Variants in ERBB4 observed in about 807,000 individuals in gnomAD.
The protein encoded by ERBB4 is erb-b2 receptor tyrosine kinase 4.
In ERBB4, 42 loss-of-function variants were observed where a neutral mutation model predicts 158.0. The observed-to-expected ratio is 0.27, with a 90% CI of 0.21 to 0.34. The LOEUF (loss-of-function observed/expected upper bound fraction) is 0.34, where lower values mean the gene tolerates loss of function less well. Among genes scored for constraint, ERBB4 ranks in the 10% least tolerant of loss-of-function variants. ERBB4 has a pLI of 1.00. For synonymous variants in ERBB4, 583 were observed against 558.7 expected, an observed-to-expected ratio of 1.04 and a Z score of -0.61; for missense variants, 1,333 against 1,624.1, an observed-to-expected ratio of 0.82 and a Z score of 3.08.
At chr2:212,339,870 A>G (rs572330389) in intron 1 of ERBB4, among the ~76,000 whole-genome samples, 80 of 152,242 alleles carry the variant, frequency 5.3e-4, no homozygotes, top group African/African-American at 1.9e-3. Context: ...CCTAGGGAAA[A>G]AGAGAAAATT....
chr2:212,401,973 T>G (rs1425091079), intron 1 of ERBB4, among the ~76,000 whole-genome samples: 1 of 152,168 alleles, frequency 6.6e-6, no homozygotes, highest in East Asian at 1.9e-4. Context: ...TTGAGGTTTC[T>G]CATATTTTTA....
At chr2:211,726,533 G>A (rs181565206) in intron 5 of ERBB4, among the ~76,000 whole-genome samples, 13 of 152,214 alleles carry the variant, frequency 8.5e-5, no homozygotes, top group African/African-American at 3.1e-4. Flanking sequence ...AATTTGCAAT[G>A]TATTTTCTGT....
At chr2:212,030,003 G>A (rs2076864394) in intron 2 of ERBB4, among the ~76,000 whole-genome samples, 1 of 152,120 alleles carries the variant, frequency 6.6e-6, no homozygotes, top group Non-Finnish European at 1.5e-5. Flanking sequence ...AGGCATACCA[G>A]GCTGTGACTA....
At chr2:211,678,309 A>C (rs202152318) in intron 13 of ERBB4, among the ~76,000 whole-genome samples, 2 of 41,666 alleles carry the variant, frequency 4.8e-5, no homozygotes, top group South Asian at 1.3e-3. Flanking sequence ...ACAAAAAAAA[A>C]CAAACAAACA....
intron 1 of ERBB4, among the ~76,000 whole-genome samples, chr2:212,423,084 T>G (rs2105911554): frequency 6.6e-6 from 1 of 152,140 alleles, no homozygotes; most frequent in East Asian, 1.9e-4. Context: ...AAATGTAAAG[T>G]AATCTGTGTA....
At chr2:212,173,324 A>G (rs1297871293) in intron 1 of ERBB4, among the ~76,000 whole-genome samples, 1 of 152,160 alleles carries the variant, frequency 6.6e-6, no homozygotes, top group Non-Finnish European at 1.5e-5. Context: ...TACTCTGAAA[A>G]GGCAACATAC....
chr2:211,491,905 G>T (rs147917831), intron 20 of ERBB4, among the ~76,000 whole-genome samples: 2 of 152,098 alleles, frequency 1.3e-5, no homozygotes, highest in African/African-American at 4.8e-5. Flanking sequence ...GGGATTCAAA[G>T]CTTGAGACAG....
intron 1 of ERBB4, among the ~76,000 whole-genome samples, chr2:212,285,577 T>C (rs2085929159): frequency 6.6e-6 from 1 of 151,930 alleles, no homozygotes; most frequent in Non-Finnish European, 1.5e-5. Flanking sequence ...ATATATATGG[T>C]CCCAAATGCT....
intron 11 of ERBB4, 32 bp downstream of exon 11, chr2:211,704,072 T>G: frequency 2.5e-5 from 30 of 1,207,378 alleles, no homozygotes; most frequent in East Asian, 4.6e-5. Context: ...TTGAAATCTG[T>G]GAGCCCTGCA....
chr2:212,492,086 A>T (rs1416771007), intron 1 of ERBB4, among the ~76,000 whole-genome samples: 1 of 151,550 alleles, frequency 6.6e-6, no homozygotes. Flanking sequence ...AAATAACGTA[A>T]ATTTGGTGGA....
At chr2:211,863,644 C>A (rs1378216460) in intron 3 of ERBB4, among the ~76,000 whole-genome samples, 1 of 152,124 alleles carries the variant, frequency 6.6e-6, no homozygotes, top group Non-Finnish European at 1.5e-5. Flanking sequence ...ACCAGGAACC[C>A]ACCAGAAGGA....
intron 1 of ERBB4, among the ~76,000 whole-genome samples, chr2:212,282,309 C>A (rs984612563): frequency 1.3e-5 from 2 of 151,888 alleles, no homozygotes; most frequent in Non-Finnish European, 2.9e-5. Flanking sequence ...GACTTGGCAA[C>A]AGAGCTGGGA....
At chr2:211,543,448 C>G (rs2066865562) in intron 20 of ERBB4, among the ~76,000 whole-genome samples, 1 of 151,948 alleles carries the variant, frequency 6.6e-6, no homozygotes, top group African/African-American at 2.4e-5. Flanking sequence ...CATGTGGGCT[C>G]ACAGAATTCT....
intron 16 of ERBB4, among the ~76,000 whole-genome samples, chr2:211,653,682 G>A (rs555342603): frequency 2.0e-5 from 3 of 151,874 alleles, no homozygotes; most frequent in South Asian, 2.1e-4. Flanking sequence ...CTTTTTTGGG[G>A]GGGTTTGAGG....
At chr2:211,778,567 G>T (rs1290836408) in intron 4 of ERBB4, 2 of 152,180 alleles carry the variant, frequency 1.3e-5, no homozygotes, top group Non-Finnish European at 2.9e-5. Context: ...TAACATGAGT[G>T]TCTGACTTCT....
intron 3 of ERBB4, among the ~76,000 whole-genome samples, chr2:211,854,462 C>A (rs56090788): frequency 0.22 from 32,894 of 151,924 alleles, 3,663 homozygotes; most frequent in South Asian, 0.32. Flanking sequence ...GTGCTGAGTT[C>A]CTTTTGTGTC....
chr2:211,700,138 G>C (rs2073179143), intron 12 of ERBB4, among the ~76,000 whole-genome samples: 1 of 152,078 alleles, frequency 6.6e-6, no homozygotes, highest in African/African-American at 2.4e-5. Context: ...GGAAACGAGA[G>C]TATAGCCCTG....
chr2:212,248,484 A>G (rs1026238354), intron 1 of ERBB4, among the ~76,000 whole-genome samples: 3 of 152,148 alleles, frequency 2.0e-5, no homozygotes, highest in African/African-American at 7.2e-5. Context: ...TCTCACATCA[A>G]TATAATGGCC....
At chr2:211,981,818 A>T (rs1356689907) in intron 2 of ERBB4, among the ~76,000 whole-genome samples, 1 of 152,226 alleles carries the variant, frequency 6.6e-6, no homozygotes, top group East Asian at 1.9e-4. Flanking sequence ...GTATGTGCAC[A>T]TGAGCTCTCT....
Sources: gnomAD v4.1 joint callset for allele counts (sites outside exome capture counted in the v4.1 genomes callset) on GRCh38, gnomAD v4.1.1 for gene constraint, MANE v1.5 for transcripts, NCBI Gene and HGNC (gene_info 2026-07-23, HGNC 2026-07-21) for gene names.